The following CALN1 variants were observed in gnomAD, a reference collection of about 807,000 sequenced individuals.
CALN1 encodes calcium-binding protein 8.
Under a neutral mutation model 30.6 loss-of-function variants are expected in CALN1, and 17 were observed. That is an observed-to-expected ratio of 0.56 (90% CI 0.38 to 0.83). CALN1 has a LOEUF of 0.83. Among genes scored for constraint, CALN1 ranks in the 40% least tolerant of loss-of-function variants. CALN1 has a pLI of 0.00. For synonymous variants in CALN1, 156 were observed against 131.4 expected (o/e 1.19, Z -1.28); for missense variants, 291 against 354.9 (o/e 0.82, Z 1.45).
intron 5 of CALN1, among the ~76,000 whole-genome samples, chr7:71,981,625 A>C (rs1163523614): frequency 6.6e-6 from 1 of 151,930 alleles, no homozygotes; most frequent in Non-Finnish European, 1.5e-5. Context: ...CCACTGCACT[A>C]CAGCTTGAGC....
At chr7:72,013,379 G>A (rs1800201718) in intron 5 of CALN1, among the ~76,000 whole-genome samples, 1 of 148,558 alleles carries the variant, frequency 6.7e-6, no homozygotes, top group African/African-American at 2.5e-5. Context: ...AACCTCCCCA[G>A]TAGTTGGGAC....
At chr7:72,193,110 C>T (rs1359491844) in intron 3 of CALN1, among the ~76,000 whole-genome samples, 2 of 151,702 alleles carry the variant, frequency 1.3e-5, no homozygotes, top group African/African-American at 4.8e-5. Flanking sequence ...ACCGCTTGAA[C>T]ACAGGAAGCA....
At chr7:72,119,132 T>G (rs575349445) in intron 3 of CALN1, among the ~76,000 whole-genome samples, 1 of 152,356 alleles carries the variant, frequency 6.6e-6, no homozygotes, top group East Asian at 1.9e-4. Flanking sequence ...AAGTCTCTAT[T>G]GTAAACTTGC....
At chr7:71,789,341 C>T (rs56199081) in intron 6 of CALN1, among the ~76,000 whole-genome samples, 46,517 of 152,002 alleles carry the variant, frequency 0.31, 7,416 homozygotes, top group East Asian at 0.51. Context: ...CGCTTGAACC[C>T]GGGAGGCAGA....
At chr7:72,450,861 A>C (rs191752961), upstream of CALN1, among the ~76,000 whole-genome samples, 22 of 143,220 alleles carry the variant, frequency 1.5e-4, no homozygotes, top group Non-Finnish European at 1.5e-5. Flanking sequence ...AAACAAAAAT[A>C]AAATAAAGCC....
At chr7:72,259,330 T>C (rs140473968) in intron 3 of CALN1, among the ~76,000 whole-genome samples, 19 of 152,190 alleles carry the variant, frequency 1.2e-4, no homozygotes, top group Non-Finnish European at 1.5e-4. Flanking sequence ...GAAATCAATA[T>C]GCAAGAACCC....
At chr7:72,367,485 T>C (rs1170087402) in intron 2 of CALN1, among the ~76,000 whole-genome samples, 1 of 151,800 alleles carries the variant, frequency 6.6e-6, no homozygotes, top group Non-Finnish European at 1.5e-5. Context: ...AAATTAACGG[T>C]GTGGTGGTGC....
chr7:71,919,173 A>G (rs7795365), intron 5 of CALN1, among the ~76,000 whole-genome samples: 150,534 of 152,316 alleles, frequency 0.99, 74,397 homozygotes, highest in East Asian at 1. Context: ...CAGGCATCTT[A>G]TCTTCAGACT....
At chr7:71,888,261 A>T (rs1793028974) in intron 5 of CALN1, among the ~76,000 whole-genome samples, 1 of 151,962 alleles carries the variant, frequency 6.6e-6, no homozygotes. Flanking sequence ...CATCTGAAAA[A>T]CCAACGGGCT....
intron 2 of CALN1, among the ~76,000 whole-genome samples, chr7:72,316,919 T>C (rs1022892623): frequency 3.4e-5 from 5 of 148,670 alleles, no homozygotes; most frequent in Non-Finnish European, 5.9e-5. Context: ...CACTCCAGCC[T>C]GGGCGACAGA....
intron 5 of CALN1, among the ~76,000 whole-genome samples, chr7:71,811,679 T>C (rs1787966191): frequency 1.6e-5 from 1 of 63,718 alleles, no homozygotes; most frequent in Non-Finnish European, 3.0e-5. Context: ...CTTTTTTCTT[T>C]TTTTTTTTTT....
At chr7:72,400,471 G>A (rs1469617444) in intron 2 of CALN1, among the ~76,000 whole-genome samples, 1 of 152,136 alleles carries the variant, frequency 6.6e-6, no homozygotes, top group Non-Finnish European at 1.5e-5. Flanking sequence ...TTTTGAACCG[G>A]CCATTGCTTG....
chr7:72,418,632 A>T (rs748861850), intron 1 of CALN1, among the ~76,000 whole-genome samples: 6 of 151,612 alleles, frequency 4.0e-5, no homozygotes, highest in Non-Finnish European at 7.4e-5. Context: ...CCCGGCTCAC[A>T]TAGGGCTCCT....
At chr7:72,455,321 ATGTGTGTGTGTGTGTGTGTGTG>A in the CALN1 span, among the ~76,000 whole-genome samples, 5 of 138,764 alleles carry the variant, frequency 3.6e-5, no homozygotes, top group East Asian at 2.1e-4. Flanking sequence ...ATATATATAT[ATGTGTGTGTGTGTGTGTGTGTG>A]TGTGTGTGTG....
chr7:72,019,532 G>A (rs1269988752), intron 5 of CALN1, among the ~76,000 whole-genome samples: 2 of 152,202 alleles, frequency 1.3e-5, no homozygotes, highest in African/African-American at 4.8e-5. Flanking sequence ...TGGATCACTG[G>A]CTTTGAGGGA....
intron 5 of CALN1, among the ~76,000 whole-genome samples, chr7:71,925,485 G>GGTTTTTTTGA (rs1795217945): frequency 7.2e-6 from 1 of 138,258 alleles, no homozygotes; most frequent in Non-Finnish European, 1.6e-5. Flanking sequence ...CTATTTTTTG[G>GGTTTTTTTGA]GTTTTTTTGG....
chr7:72,420,620 T>TC (rs1807573850), intron 1 of CALN1, among the ~76,000 whole-genome samples: 1 of 144,278 alleles, frequency 6.9e-6, no homozygotes, highest in Admixed American at 6.9e-5. Context: ...TCTGGATGCA[T>TC]CTTTTTTTTT....
At chr7:71,898,116 G>A (rs571122372) in intron 5 of CALN1, among the ~76,000 whole-genome samples, 2 of 151,708 alleles carry the variant, frequency 1.3e-5, no homozygotes, top group Non-Finnish European at 2.9e-5. Flanking sequence ...GATCACCTGA[G>A]GTCAGGAGTT....
In CALN1 at chr7:72,278,013, G is replaced by C. The variant is rs538388825; in HGVS notation, c.244+673C>G. Among the ~76,000 whole-genome samples the C allele has an allele frequency of 5.6e-4, 78 of 138,694 alleles. 3 individuals are homozygous for C. The South Asian group carries it at 0.012, about 21-fold the overall frequency. 91.0% of individuals were successfully genotyped at this position (138,694 alleles called of 152,430 possible). ...ATCAACCTAATCCTCTATTCCGGGGGGGGGGGACTTGTTTTTCCTATTTTT... is the reference window on the plus strand; with the variant it reads ...ATCAACCTAATCCTCTATTCCGGGGCGGGGGGACTTGTTTTTCCTATTTTT... On this transcript the variant is annotated intron_variant, in intron 3 of 6. Transcript: ENST00000395275.
Sources: gnomAD v4.1 joint callset for allele counts (sites outside exome capture counted in the v4.1 genomes callset) on GRCh38, gnomAD v4.1.1 for gene constraint, MANE v1.5 for transcripts, NCBI Gene and HGNC (gene_info 2026-07-23, HGNC 2026-07-21) for gene names.